POLRMT: variants seen among roughly 807,000 people sequenced by gnomAD.
POLRMT encodes the protein DNA-directed RNA polymerase, mitochondrial.
POLRMT carries 114 observed loss-of-function variants against 132.2 expected under a neutral mutation model. The observed-to-expected ratio is 0.86, with a 90% CI of 0.74 to 1.01. The LOEUF (loss-of-function observed/expected upper bound fraction) is 1.01. Among genes scored for constraint, POLRMT ranks in the 50% least tolerant of loss-of-function variants. POLRMT has a pLI of 0.00. For missense variants in POLRMT, 2,003 were observed against 1,729.1 expected (o/e 1.16, Z -2.81); for synonymous variants, 1,020 against 773.4 (o/e 1.32, Z -5.29).
intron 17 of POLRMT, 132 bp downstream of exon 17, chr19:618,356 C>G: frequency 1.4e-6 from 1 of 704,024 alleles, no homozygotes; most frequent in Non-Finnish European, 2.3e-6. Flanking sequence ...TCTACACAGG[C>G]CCCACAGACA....
chr19:630,178 G>C lies in POLRMT; in HGVS notation c.194-10C>G. ...ACCCGCGCCTGGAGCACTGTGAGGG[G>C]CAGAAGGCGAGGACATGAGAGGGAC... On this transcript the variant is annotated splice_polypyrimidine_tract_variant and intron_variant, in intron 2 of 20. Transcript: ENST00000588649. The C allele has an allele frequency of 2.5e-6, 4 of 1,574,320 alleles. No homozygotes were observed. Among genetic ancestry groups the C allele is most frequent in the Non-Finnish European group, 3.5e-6 (4 of 1,159,066 alleles).
Position 622,324 on chromosome 19 carries a change from G to GGCGCCCCCA in POLRMT, c.1667_1675dup (p.Leu556_Ala558dup), listed in dbSNP as rs1206819947. ...CCAGGGCTGCTCCCGCAGGGCCTCG[G>GGCGCCCCCA]GCGCCCCCAGCTCCTCCCAGTACTG... On this transcript the variant is annotated inframe_insertion, in exon 9 of 21. Transcript: ENST00000588649. 1 of 1,562,438 alleles carries GGCGCCCCCA rather than the reference G, an allele frequency of 6.4e-7. No homozygotes were observed. Among genetic ancestry groups the GGCGCCCCCA allele is most frequent in the South Asian group, 1.2e-5 (1 of 85,454 alleles).
Position 620,507 on chromosome 19 carries a change from G to T in POLRMT, c.2641-20C>A. Reference sequence around the variant, plus strand: ...TCGGCCCTGCGGGGACAGCGGATGGGGGGCAGTGAGGCCCGGGCCCGATCC... The same window carrying T: ...TCGGCCCTGCGGGGACAGCGGATGGTGGGCAGTGAGGCCCGGGCCCGATCC... On this transcript the variant is annotated intron_variant, in intron 10 of 20. Transcript: ENST00000588649. The T allele has an allele frequency of 1.3e-6, 2 of 1,548,482 alleles. No homozygotes were observed. Among genetic ancestry groups the T allele is most frequent in the Admixed American group, 1.9e-5 (1 of 51,896 alleles).
At position 629,597 on chromosome 19, in the gene POLRMT, C is replaced by T. The variant is rs775970841; in HGVS notation, c.765G>A (p.Lys255=). The T allele has an allele frequency of 3.7e-5, 59 of 1,600,340 alleles. No homozygotes were observed. The highest frequency in any genetic ancestry group is 4.9e-5 in the Non-Finnish European group (57 of 1,174,854). Reference sequence around the variant, plus strand: ...ACATGTCCAGCGTGAGCAGCTTCCGCTTCTGCCGCTGGCCGTGGTGGACGA... The same window carrying T: ...ACATGTCCAGCGTGAGCAGCTTCCGTTTCTGCCGCTGGCCGTGGTGGACGA... ...LLVVHHGQRQ[K]RKLLTLDMYN... Residue 255 remains lysine, a synonymous_variant, in exon 3 of 21, where the codon AAG becomes AAA. Transcript: ENST00000588649.
chr19:623,555 G>A lies in POLRMT; in HGVS notation c.1189C>T (p.Gln397Ter), dbSNP rs781207550. The A allele has an allele frequency of 4.3e-6, 7 of 1,613,722 alleles. No homozygotes were observed. Among genetic ancestry groups the A allele is most frequent in the Non-Finnish European group, 5.9e-6 (7 of 1,180,000 alleles). The change falls in exon 6 of 21, where the codon CAG becomes TAG. Residue 397 changes from glutamine (Q) to a stop codon, truncating the protein, a stop_gained. Transcript: ENST00000588649. LOFTEE classifies it high-confidence loss of function. ...TGGAGCTGCTTCTCAAAGAGGCACTGCAGGGTCTTCAAGGGCAGGTGCAGC... is the reference window on the plus strand; with the variant it reads ...TGGAGCTGCTTCTCAAAGAGGCACTACAGGGTCTTCAAGGGCAGGTGCAGC... ...PKLHLPLKTL[Q>*]CLFEKQLHME... is the part of the protein sequence containing the mutation.
At position 623,558 on chromosome 19, in the gene POLRMT, G is replaced by A. The variant is rs955576333; in HGVS notation, c.1186C>T (p.Leu396=). The change falls in exon 6 of 21, where the codon CTG becomes TTG. Residue 396 remains leucine, a synonymous_variant. Coordinates refer to ENST00000588649, the MANE Select transcript of POLRMT (RefSeq NM_005035.4). ...YPKLHLPLKT[L]QCLFEKQLHM... ...AGCTGCTTCTCAAAGAGGCACTGCA[G>A]GGTCTTCAAGGGCAGGTGCAGCTTC... 9.3e-6 allele frequency: 15 copies of A among 1,613,578 alleles called. No individual in the cohort carries two copies. The highest frequency in any genetic ancestry group is 2.2e-5 in the South Asian group (2 of 91,088).
chr19:618,943 C>T (rs146180795), intron 15 of POLRMT, 54 bp downstream of exon 15: 254 of 1,434,940 alleles, frequency 1.8e-4, no homozygotes, highest in South Asian at 1.7e-4. Context: ...TACACTGGGA[C>T]GCTGTTACAC....
intron 17 of POLRMT, 159 bp downstream of exon 17, chr19:618,329 C>A (rs536925084): frequency 1.8e-5 from 11 of 619,670 alleles, no homozygotes; most frequent in South Asian, 2.1e-5. Context: ...ACATTCGGGG[C>A]ACACAGCCTC....
chr19:627,148 ATT>A (rs869110035), intron 3 of POLRMT, among the ~76,000 whole-genome samples: 1,498 of 119,708 alleles, frequency 0.013, 22 homozygotes, highest in African/African-American at 0.041. Flanking sequence ...GTTTTGGGGC[ATT>A]TTTTTTTTTT....
chr19:623,688 G>T, intron 5 of POLRMT, 85 bp from the exon 6 acceptor site: 1 of 1,481,024 alleles, frequency 6.8e-7, no homozygotes, highest in Non-Finnish European at 9.2e-7. Flanking sequence ...GGGTGCACGC[G>T]TTTCTGCGTC....
chr19:621,122 T>C lies in POLRMT; in HGVS notation c.2576A>G (p.Lys859Arg), dbSNP rs1252624149. The C allele has an allele frequency of 6.2e-7, 1 of 1,610,910 alleles. No homozygotes were observed. The highest frequency in any genetic ancestry group is 8.5e-7 in the Non-Finnish European group (1 of 1,178,716). ...CACCTCCTCCGCAAAGGCCAGGCGCTTCCGCAGCGGCTCCCGCTTCTTCAA... is the reference window on the plus strand; with the variant it reads ...CACCTCCTCCGCAAAGGCCAGGCGCCTCCGCAGCGGCTCCCGCTTCTTCAA... Reference protein sequence around the residue: ...TGLKKREPLRKRLAFAEEVMD... With the variant: ...TGLKKREPLRRRLAFAEEVMD... The change falls in exon 10 of 21, where the codon AAG becomes AGG. Residue 859 changes from lysine (K) to arginine (R), a missense_variant. Coordinates refer to ENST00000588649, the MANE Select transcript of POLRMT (RefSeq NM_005035.4).
At chr19:628,272 C>T (rs547237420) in intron 3 of POLRMT, among the ~76,000 whole-genome samples, 1 of 152,362 alleles carries the variant, frequency 6.6e-6, no homozygotes, top group South Asian at 2.1e-4. Flanking sequence ...CAAAAGCGCC[C>T]TGTTACAGTG....
chr19:633,395 G>A (rs554335281), intron 1 of POLRMT, 30 bp downstream of exon 1: 4 of 1,491,266 alleles, frequency 2.7e-6, no homozygotes, highest in Middle Eastern at 1.9e-4. Context: ...CGTGGCCCCC[G>A]GGCTGCCTGG....
At chr19:628,443 G>C (rs746273224) in intron 3 of POLRMT, among the ~76,000 whole-genome samples, 1 of 152,190 alleles carries the variant, frequency 6.6e-6, no homozygotes, top group Non-Finnish European at 1.5e-5. Context: ...GGACTTCACC[G>C]CAAGACTGGC....
At position 623,446 on chromosome 19, in the gene POLRMT, G is replaced by C; in HGVS notation, c.1290+8C>G. ...GCGGCGGACACGGGACCCCGGCTCA[G>C]CCCCTACCGCGTGCTTGACCTCCTT... is the stretch of plus-strand genomic sequence containing the variant. On this transcript the variant is annotated splice_region_variant and intron_variant, in intron 6 of 20. Coordinates refer to ENST00000588649, the MANE Select transcript of POLRMT (RefSeq NM_005035.4). 6.2e-7 allele frequency: 1 copy of C among 1,610,786 alleles called. No homozygotes were observed. Among genetic ancestry groups the C allele is most frequent in the Non-Finnish European group, 8.5e-7 (1 of 1,179,764 alleles).
intron 1 of POLRMT, 67 bp from the exon 2 acceptor site, chr19:633,005 A>G (rs1985541061): frequency 1.4e-5 from 17 of 1,173,316 alleles, no homozygotes; most frequent in Non-Finnish European, 2.0e-5. Flanking sequence ...TAAAGGCAGA[A>G]GCCGAAGGGT....
intron 3 of POLRMT, among the ~76,000 whole-genome samples, chr19:629,200 A>G (rs1375203559): frequency 6.6e-6 from 1 of 152,058 alleles, no homozygotes; most frequent in Non-Finnish European, 1.5e-5. Context: ...CAGAAAAAGG[A>G]GCAAAGTCAA....
Position 619,279 on chromosome 19 carries a change from G to A in POLRMT, c.3084C>T (p.Ala1028=), listed in dbSNP as rs973019239. 5 of 1,608,338 alleles carry A rather than the reference G, an allele frequency of 3.1e-6. No individual in the cohort carries two copies. Among genetic ancestry groups the A allele is most frequent in the Middle Eastern group, 2.2e-4 (1 of 4,580 alleles). ...AGACCTGGCGTACGAGATAGTGAGAGGCCTCCCACACGAACTCCTGCAGAG... is the reference window on the plus strand; with the variant it reads ...AGACCTGGCGTACGAGATAGTGAGAAGCCTCCCACACGAACTCCTGCAGAG... ...SDFPQEFVWE[A]SHYLVRQVFK... The change falls in exon 14 of 21, where the codon GCC becomes GCT. Residue 1028 remains alanine (A), a synonymous_variant. Coordinates refer to ENST00000588649, the MANE Select transcript of POLRMT (RefSeq NM_005035.4).
At chr19:625,706 CTTT>C (rs558262682) in intron 3 of POLRMT, among the ~76,000 whole-genome samples, 1 of 152,152 alleles carries the variant, frequency 6.6e-6, no homozygotes, top group Non-Finnish European at 1.5e-5. Context: ...AGATGTTTCA[CTTT>C]TTTTCCCCCC....
Sources: gnomAD v4.1 joint callset for allele counts (sites outside exome capture counted in the v4.1 genomes callset) on GRCh38, gnomAD v4.1.1 for gene constraint, MANE v1.5 for transcripts, NCBI Gene and HGNC (gene_info 2026-07-23, HGNC 2026-07-21) for gene names.